The following PTCD2 variants were observed in gnomAD, a reference collection of about 807,000 sequenced individuals.
The protein encoded by PTCD2 is pentatricopeptide repeat domain 2.
Under a neutral mutation model 42.6 loss-of-function variants are expected in PTCD2, and 31 were observed. The ratio of observed to expected loss-of-function variants is 0.73; its 90% confidence interval spans 0.55 to 0.98. The LOEUF (loss-of-function observed/expected upper bound fraction) is 0.98, where lower values mean the gene tolerates loss of function less well. Ranked by LOEUF, PTCD2 falls within the 50% of genes least tolerant of loss-of-function variation. PTCD2 has a pLI of 0.00. For synonymous variants in PTCD2, 183 were observed against 170.9 expected (o/e 1.07, Z -0.55); for missense variants, 476 against 454.8 (o/e 1.05, Z -0.42).
chr5:72,322,796 C>T (rs2112116267), intron 2 of PTCD2, among the ~76,000 whole-genome samples: 1 of 152,260 alleles, frequency 6.6e-6, no homozygotes, highest in Admixed American at 6.5e-5. Context: ...GTATTTTTCA[C>T]TCTGTGCTAG....
chr5:72,343,317 C>T (rs769811875), intron 8 of PTCD2, among the ~76,000 whole-genome samples: 5 of 152,060 alleles, frequency 3.3e-5, no homozygotes, highest in Non-Finnish European at 5.9e-5. Context: ...AGACATGAGA[C>T]GTGGCTAAGA....
intron 9 of PTCD2, among the ~76,000 whole-genome samples, chr5:72,354,079 T>C (rs1240568899): frequency 1.3e-5 from 2 of 152,066 alleles, no homozygotes; most frequent in Admixed American, 1.3e-4. Flanking sequence ...TTAATCATAC[T>C]GACAAAAGGC....
chr5:72,350,351 C>T (rs1414243067), intron 8 of PTCD2, among the ~76,000 whole-genome samples: 6 of 152,126 alleles, frequency 3.9e-5, no homozygotes, highest in East Asian at 3.8e-4. Context: ...TTTCCTGAGC[C>T]CCAGTTCCTG....
At position 72,364,762 on chromosome 5, in the gene PTCD2, G is replaced by C. The variant is rs1009650249; in HGVS notation, c.*6335G>C. 6.6e-6 allele frequency: 1 copy of C among 152,128 alleles called. No individual in the cohort carries two copies. Among genetic ancestry groups the C allele is most frequent in the African/African-American group, 2.4e-5 (1 of 41,426 alleles). The allele number at this position is 152,128 out of a possible 1,614,324, so 9.4% of individuals were successfully genotyped here. On this transcript the variant is annotated 3_prime_UTR_variant, in exon 10 of 10. Coordinates refer to ENST00000380639, the MANE Select transcript of PTCD2 (RefSeq NM_024754.5). ...GACAAGTAGAATGACTTGCCTGTGC[G>C]GGGGTCCTGGGTTGGCCAGTGCATT...
intron 3 of PTCD2, among the ~76,000 whole-genome samples, chr5:72,329,743 C>T (rs773719758): frequency 3.6e-4 from 54 of 152,076 alleles, no homozygotes; most frequent in Non-Finnish European, 6.5e-4. Context: ...TTCTTCCTTC[C>T]ATTTTACAGA....
Position 72,367,014 on chromosome 5 carries a change from T to TA in PTCD2, c.*8592dup, listed in dbSNP as rs1753220412. The TA allele has an allele frequency of 6.6e-6, 1 of 152,194 alleles. No homozygotes were observed. Among genetic ancestry groups the TA allele is most frequent in the African/African-American group, 2.4e-5 (1 of 41,438 alleles). 9.4% of individuals were successfully genotyped at this position (152,194 alleles called of 1,614,324 possible). On this transcript the variant is annotated 3_prime_UTR_variant, in exon 10 of 10. Coordinates refer to ENST00000380639, the MANE Select transcript of PTCD2 (RefSeq NM_024754.5). ...AAATCACATTTGTGTGTGAAAGAAGTAAAAAGGAATTAGGATCTTGGTTAT... is the reference window on the plus strand; with the variant it reads ...AAATCACATTTGTGTGTGAAAGAAGTAAAAAAGGAATTAGGATCTTGGTTAT...
intron 4 of PTCD2, among the ~76,000 whole-genome samples, chr5:72,334,606 C>T (rs1432796229): frequency 6.6e-6 from 1 of 151,708 alleles, no homozygotes; most frequent in Non-Finnish European, 1.5e-5. Context: ...GGCTGGAGTG[C>T]AGTGGCGTGA....
chr5:72,323,805 CTAATTTT>C (rs1168325722), intron 2 of PTCD2, among the ~76,000 whole-genome samples: 3 of 152,074 alleles, frequency 2.0e-5, no homozygotes, highest in African/African-American at 7.2e-5. Flanking sequence ...ACCATACCGC[CTAATTTT>C]TAATTTTTAA....
rs1185197613 is a variant in PTCD2, at chr5:72,367,201, G to A, written c.*8774G>A. 4 of 152,268 alleles carry A rather than the reference G, an allele frequency of 2.6e-5. No homozygotes were observed. In the Middle Eastern group the frequency reaches 0.014, roughly 518 times the overall value. The allele number at this position is 152,268 out of a possible 1,614,324, so 9.4% of individuals were successfully genotyped here. The stretch of plus-strand genomic sequence containing the variant: ...TATCACTGCCCATCTCTAAGAATAG[G>A]TCAAAGATGAAATTCCCATTATCAT... On this transcript the variant is annotated 3_prime_UTR_variant, in exon 10 of 10. Coordinates refer to ENST00000380639, the MANE Select transcript of PTCD2 (RefSeq NM_024754.5).
rs779389045 is a variant in PTCD2 at position 72,358,247 on chromosome 5, G to A, written c.987G>A (p.Val329=). 18 of 1,613,942 alleles carry A rather than the reference G, an allele frequency of 1.1e-5. No homozygotes were observed. In the South Asian group the frequency reaches 2.0e-4, roughly 18 times the overall value. Residue 329 remains valine, a synonymous_variant, in exon 10 of 10, where the codon GTG becomes GTA. Transcript: ENST00000380639. ...REKVKDVPAL[V]AKFDEIYGTL... ...AAGTGAAGGATGTGCCTGCCCTTGTGGCCAAATTTGATGAGATCTATGGGA... is the reference window on the plus strand; with the variant it reads ...AAGTGAAGGATGTGCCTGCCCTTGTAGCCAAATTTGATGAGATCTATGGGA...
chr5:72,347,378 C>G (rs1415004626), intron 8 of PTCD2, among the ~76,000 whole-genome samples: 2 of 152,212 alleles, frequency 1.3e-5, no homozygotes, highest in South Asian at 2.1e-4. Flanking sequence ...TGGCCTATCT[C>G]TCACAGTTAC....
At chr5:72,327,738 C>T (rs1373507692) in intron 3 of PTCD2, among the ~76,000 whole-genome samples, 2 of 152,272 alleles carry the variant, frequency 1.3e-5, no homozygotes, top group East Asian at 1.9e-4. Flanking sequence ...CTCCCAAAGG[C>T]TGGGATTACA....
chr5:72,351,403 G>A (rs1308797302), intron 8 of PTCD2, among the ~76,000 whole-genome samples: 1 of 152,174 alleles, frequency 6.6e-6, no homozygotes, highest in Non-Finnish European at 1.5e-5. Flanking sequence ...CTTCCACTCT[G>A]TGCCTGCAGT....
chr5:72,338,669 T>C lies in PTCD2; in HGVS notation c.687T>C (p.Ala229=). Residue 229 remains alanine (A), a synonymous_variant, in exon 7 of 10, where the codon GCT becomes GCC. Transcript: ENST00000380639. The part of the protein sequence containing the change: ...FKICTTLREE[A]LLKGEILSRR... ...TCTGTACTACATTAAGAGAAGAAGC[T>C]CTACTCAAAGGAGAAATTCTCTCCA... is the stretch of plus-strand genomic sequence containing the variant. 6.2e-7 allele frequency: 1 copy of C among 1,612,964 alleles called. No homozygotes were observed. Among genetic ancestry groups the C allele is most frequent in the Non-Finnish European group, 8.5e-7 (1 of 1,179,010 alleles).
At chr5:72,353,523 G>T (rs552549514) in intron 9 of PTCD2, among the ~76,000 whole-genome samples, 7 of 152,160 alleles carry the variant, frequency 4.6e-5, no homozygotes, top group South Asian at 2.1e-4. Flanking sequence ...TTCTGTAAAG[G>T]TTAGTTGAAA....
At chr5:72,356,782 T>A (rs1403062556) in intron 9 of PTCD2, among the ~76,000 whole-genome samples, 1 of 152,216 alleles carries the variant, frequency 6.6e-6, no homozygotes, top group African/African-American at 2.4e-5. Context: ...TATTCTTTTT[T>A]AAGAACATTA....
intron 6 of PTCD2, among the ~76,000 whole-genome samples, chr5:72,338,332 C>G (rs949481279): frequency 6.6e-6 from 1 of 152,216 alleles, no homozygotes; most frequent in Admixed American, 6.5e-5. Context: ...TGTCTAGAAA[C>G]TAGCCTGCCC....
intron 9 of PTCD2, among the ~76,000 whole-genome samples, chr5:72,353,645 G>A (rs549925278): frequency 1.3e-5 from 2 of 152,260 alleles, no homozygotes; most frequent in East Asian, 3.9e-4. Context: ...TGTGGCTTAG[G>A]ACATGAATAG....
chr5:72,347,866 G>A (rs549076847), intron 8 of PTCD2, among the ~76,000 whole-genome samples: 1 of 152,192 alleles, frequency 6.6e-6, no homozygotes, highest in South Asian at 2.1e-4. Flanking sequence ...AGCAGGAACA[G>A]CTCCTTTCCT....
Sources: allele counts gnomAD v4.1 joint callset (sites outside exome capture counted in the v4.1 genomes callset), GRCh38; gene constraint gnomAD v4.1.1; transcripts MANE v1.5; gene names NCBI Gene and HGNC (gene_info 2026-07-23, HGNC 2026-07-21).